CACNA1E: variants seen among roughly 807,000 people sequenced by gnomAD.
CACNA1E encodes the protein voltage-dependent R-type calcium channel subunit alpha-1E.
In CACNA1E, 40 loss-of-function variants were observed where a neutral mutation model predicts 259.2. That is an observed-to-expected ratio of 0.15 (90% CI 0.12 to 0.20). The LOEUF is 0.20. Among genes scored for constraint, CACNA1E ranks in the 10% least tolerant of loss-of-function variants. CACNA1E has a pLI of 1.00. For missense variants in CACNA1E, 1,874 were observed against 3,040.1 expected, an observed-to-expected ratio of 0.62 and a Z score of 9.02; for synonymous variants, 1,104 against 1,138.5, an observed-to-expected ratio of 0.97 and a Z score of 0.61.
intron 32 of CACNA1E, among the ~76,000 whole-genome samples, chr1:181,761,398 A>G (rs1403907699): frequency 6.6e-6 from 1 of 152,230 alleles, no homozygotes; most frequent in Non-Finnish European, 1.5e-5. Flanking sequence ...CATGAGAAGA[A>G]TAAATGAGTT....
intron 7 of CACNA1E, among the ~76,000 whole-genome samples, chr1:181,678,726 C>T (rs533352245): frequency 2.6e-4 from 40 of 152,304 alleles, no homozygotes; most frequent in African/African-American, 9.4e-4. Flanking sequence ...ATTTAATTAG[C>T]TGTGTCACCT....
At chr1:181,591,348 A>G (rs1652626766) in intron 6 of CACNA1E, among the ~76,000 whole-genome samples, 1 of 152,252 alleles carries the variant, frequency 6.6e-6, no homozygotes, top group African/African-American at 2.4e-5. Flanking sequence ...GTTTGCTTTT[A>G]TAAAGTGATG....
chr1:181,364,988 G>A (rs969371733), intron 1 of CACNA1E, among the ~76,000 whole-genome samples: 2 of 152,158 alleles, frequency 1.3e-5, no homozygotes, highest in Non-Finnish European at 2.9e-5. Flanking sequence ...GCGTTCGTTA[G>A]CCAAGCCACC....
At chr1:181,691,181 C>A (rs1208029272) in intron 7 of CACNA1E, among the ~76,000 whole-genome samples, 1 of 151,752 alleles carries the variant, frequency 6.6e-6, no homozygotes, top group African/African-American at 2.4e-5. Context: ...TATTTCTATG[C>A]ACTGCATTAA....
At chr1:181,652,408 G>A (rs1419215382) in intron 7 of CACNA1E, among the ~76,000 whole-genome samples, 1 of 152,158 alleles carries the variant, frequency 6.6e-6, no homozygotes, top group East Asian at 1.9e-4. Context: ...GTCATTTCTT[G>A]AAACTCCACT....
chr1:181,720,881 A>G, intron 15 of CACNA1E, 26 bp downstream of exon 15: 1 of 1,475,940 alleles, frequency 6.8e-7, no homozygotes, highest in Non-Finnish European at 9.5e-7. Context: ...ACGGTTCACA[A>G]GTGCTGCATG....
chr1:181,350,432 C>T (rs1438686237), intron 1 of CACNA1E, among the ~76,000 whole-genome samples: 1 of 152,206 alleles, frequency 6.6e-6, no homozygotes, highest in East Asian at 1.9e-4. Flanking sequence ...TTTTCTCCTG[C>T]TCTTTTTCTG....
chr1:181,339,967 C>T (rs6686386), intron 1 of CACNA1E, among the ~76,000 whole-genome samples: 60,748 of 151,644 alleles, frequency 0.4, 12,414 homozygotes, highest in Non-Finnish European at 0.44. Flanking sequence ...TTTACACTTT[C>T]ATACAGTTGA....
In CACNA1E at chr1:181,760,201, G is replaced by A. The variant is rs139604898; in HGVS notation, c.4605+1333G>A. ...TATGTGTCTAATTATGGTGAGTGCT[G>A]AATATATACTCACAGCCTTAACTAG... On this transcript the variant is annotated intron_variant, in intron 32 of 47. Transcript: ENST00000367573. Among the ~76,000 whole-genome samples the A allele has an allele frequency of 4.2e-3, 644 of 152,084 alleles. 6 individuals are homozygous for A. Among genetic ancestry groups the A allele is most frequent in the African/African-American group, 0.015 (605 of 41,392 alleles).
At chr1:181,552,978 A>G (rs1056622485) in intron 3 of CACNA1E, among the ~76,000 whole-genome samples, 4 of 152,200 alleles carry the variant, frequency 2.6e-5, no homozygotes, top group Non-Finnish European at 4.4e-5. Flanking sequence ...TCTTGGCTAT[A>G]CAGGGTCTTC....
chr1:181,449,916 T>C (rs181791809), intron 2 of CACNA1E, among the ~76,000 whole-genome samples: 22 of 151,420 alleles, frequency 1.5e-4, no homozygotes, highest in Admixed American at 3.9e-4. Flanking sequence ...CAGGGGCACA[T>C]AGGAGGGTGC....
intron 2 of CACNA1E, among the ~76,000 whole-genome samples, chr1:181,450,190 G>C (rs962625712): frequency 1.3e-5 from 2 of 152,156 alleles, no homozygotes; most frequent in African/African-American, 4.8e-5. Flanking sequence ...ACTATCACAA[G>C]AATAGCAAGG....
chr1:181,641,703 G>GTTTTTTTTTT lies in CACNA1E; in HGVS notation c.952-9616_952-9607dup, dbSNP rs751082929. Among the ~76,000 whole-genome samples, 18 of 81,126 alleles carry GTTTTTTTTTT rather than the reference G, an allele frequency of 2.2e-4. 1 individual carries two copies. The highest frequency in any genetic ancestry group is 3.1e-4 in the African/African-American group (7 of 22,914). 53.2% of individuals were successfully genotyped at this position (81,126 alleles called of 152,430 possible). ...GATCATGAGGCAACACTAATTTTTT[G>GTTTTTTTTTT]TTTTTTTTTTTTTTTTTTTTTTTTT... On this transcript the variant is annotated intron_variant, in intron 6 of 47. Coordinates refer to ENST00000367573, the MANE Select transcript of CACNA1E (RefSeq NM_001205293.3).
At position 181,549,508 on chromosome 1, in the gene CACNA1E, C is replaced by T. The variant is rs1647890816; in HGVS notation, c.513-28258C>T. On this transcript the variant is annotated intron_variant, in intron 3 of 47. Coordinates refer to ENST00000367573, the MANE Select transcript of CACNA1E (RefSeq NM_001205293.3). ...CAGGGGTGGTTGGGTGTAGACACAACAGCTCACCTTCAGGCTGCTTTCACA... is the reference window on the plus strand; with the variant it reads ...CAGGGGTGGTTGGGTGTAGACACAATAGCTCACCTTCAGGCTGCTTTCACA... Among the ~76,000 whole-genome samples the T allele has an allele frequency of 2.0e-5, 3 of 152,182 alleles. No individual in the cohort carries two copies. The South Asian group carries it at 6.2e-4, about 32-fold the overall frequency.
chr1:181,676,414 C>T (rs955118183), intron 7 of CACNA1E, among the ~76,000 whole-genome samples: 1 of 152,056 alleles, frequency 6.6e-6, no homozygotes, highest in Non-Finnish European at 1.5e-5. Context: ...AGCATCTGAG[C>T]CAATCCATCA....
At chr1:181,672,949 T>C (rs563758234) in intron 7 of CACNA1E, among the ~76,000 whole-genome samples, 64 of 152,196 alleles carry the variant, frequency 4.2e-4, no homozygotes, top group Admixed American at 9.8e-4. Flanking sequence ...AGCTCACGTA[T>C]GGGGTTTTGG....
At chr1:181,407,783 C>T (rs771419808) in intron 1 of CACNA1E, among the ~76,000 whole-genome samples, 2 of 152,188 alleles carry the variant, frequency 1.3e-5, no homozygotes, top group Non-Finnish European at 2.9e-5. Flanking sequence ...TCATTCCCTG[C>T]CATTCCTATT....
intron 2 of CACNA1E, among the ~76,000 whole-genome samples, chr1:181,450,725 A>G (rs1661105883): frequency 6.6e-6 from 1 of 152,178 alleles, no homozygotes; most frequent in Admixed American, 6.5e-5. Flanking sequence ...GAGCTACTGA[A>G]CAATTGTAGA....
At chr1:181,443,980 T>G (rs1402768388) in intron 2 of CACNA1E, among the ~76,000 whole-genome samples, 1 of 152,256 alleles carries the variant, frequency 6.6e-6, no homozygotes, top group East Asian at 1.9e-4. Context: ...ACATTTTGCA[T>G]TAAACATCAT....
Sources: allele counts gnomAD v4.1 joint callset (sites outside exome capture counted in the v4.1 genomes callset), GRCh38; gene constraint gnomAD v4.1.1; transcripts MANE v1.5; gene names NCBI Gene and HGNC (gene_info 2026-07-23, HGNC 2026-07-21).